SLAIN1: variants seen among roughly 807,000 people sequenced by gnomAD.
SLAIN1 encodes the protein SLAIN family member 1.
SLAIN1 carries 17 observed loss-of-function variants against 55.4 expected under a neutral mutation model. The observed-to-expected ratio is 0.31, with a 90% CI of 0.21 to 0.46. The LOEUF (loss-of-function observed/expected upper bound fraction) is 0.46, where lower values mean the gene tolerates loss of function less well. SLAIN1 is among the 20% of genes least tolerant of loss of function. The probability of loss-of-function intolerance (pLI) is 1.00; values close to 1 mark genes in which losing one functional copy is unlikely to be tolerated. For missense variants in SLAIN1, 682 were observed against 785.1 expected, an observed-to-expected ratio of 0.87 and a Z score of 1.57; for synonymous variants, 348 against 337.4, an observed-to-expected ratio of 1.03 and a Z score of -0.35.
intron 2 of SLAIN1, among the ~76,000 whole-genome samples, chr13:77,734,364 G>T (rs1316495371): frequency 6.6e-6 from 1 of 152,114 alleles, no homozygotes; most frequent in Admixed American, 6.5e-5. Context: ...GTTTGGCTTG[G>T]AACTGAGGCT....
chr13:77,736,797 T>A (rs1038687517), intron 2 of SLAIN1, among the ~76,000 whole-genome samples: 3 of 151,952 alleles, frequency 2.0e-5, no homozygotes. Context: ...TTAGTCTTTT[T>A]TTTTTTTTGG....
rs142064707 is a variant in SLAIN1 at position 77,717,416 on chromosome 13, G to C, written c.627-2116G>C. 2.0e-3 allele frequency among the ~76,000 whole-genome samples: 310 copies of C among 152,260 alleles called. 1 individual carries two copies. Among genetic ancestry groups the C allele is most frequent in the African/African-American group, 7.2e-3 (301 of 41,556 alleles). ...ATGTTTTCTTTAAATACTTGGTAGA[G>C]TTTAGCAGTAAAGTCTTCTGGGCCC... is the stretch of plus-strand genomic sequence containing the variant. On this transcript the variant is annotated intron_variant, in intron 1 of 6. Transcript: ENST00000418532.
At chr13:77,758,636 C>T (rs1244342525) in intron 5 of SLAIN1, among the ~76,000 whole-genome samples, 1 of 152,130 alleles carries the variant, frequency 6.6e-6, no homozygotes, top group African/African-American at 2.4e-5. Flanking sequence ...TTTCATTCTT[C>T]TACATGTGGC....
chr13:77,704,289 G>T lies in SLAIN1; in HGVS notation c.626+5750G>T, dbSNP rs114233475. On this transcript the variant is annotated intron_variant, in intron 1 of 6. Transcript: ENST00000418532. ...TATATATATAGAAAATATATACATAGGTTTTATATGTATATATACATAGAA... is the reference window on the plus strand; with the variant it reads ...TATATATATAGAAAATATATACATATGTTTTATATGTATATATACATAGAA... Among the ~76,000 whole-genome samples, 66 of 26,738 alleles carry T rather than the reference G, an allele frequency of 2.5e-3. 1 individual carries two copies. The highest frequency in any genetic ancestry group is 3.4e-3 in the Non-Finnish European group (51 of 14,886). The allele number at this position is 26,738 out of a possible 152,430, so 17.5% of individuals were successfully genotyped here.
chr13:77,743,532 G>A (rs769983139), intron 2 of SLAIN1: 25 of 154,708 alleles, frequency 1.6e-4, no homozygotes, highest in South Asian at 5.9e-4. Context: ...TTTAAATTTA[G>A]CTAAGGCTGT....
chr13:77,763,094 C>T (rs754157941), intron 6 of SLAIN1, 51 bp from the exon 7 acceptor site: 8 of 1,476,738 alleles, frequency 5.4e-6, no homozygotes, highest in Non-Finnish European at 7.6e-6. Context: ...AGTGATGTGA[C>T]TCATAGGATT....
At chr13:77,732,977 G>A (rs1219173349) in intron 2 of SLAIN1, among the ~76,000 whole-genome samples, 1 of 152,130 alleles carries the variant, frequency 6.6e-6, no homozygotes, top group Non-Finnish European at 1.5e-5. Context: ...CGTGCAGTGG[G>A]TTAAGATCTG....
In SLAIN1 at chr13:77,698,948, CG is replaced by C; in HGVS notation, c.626+410del. 6.5e-7 allele frequency: 1 copy of C among 1,534,088 alleles called. No individual in the cohort carries two copies. Among genetic ancestry groups the C allele is most frequent in the South Asian group, 1.2e-5 (1 of 83,972 alleles). On this transcript the variant is annotated intron_variant, in intron 1 of 6. Transcript: ENST00000418532. This position sits in a 1 kb window ranked among gnomAD's most constrained non-coding sequence, Gnocchi z 4.1. Reference sequence around the variant, plus strand: ...GATGGTAGGGGTTGGCCTCTGTCTGCGACTGTTACTGTTCTTTCGTTTTAAA... The same window carrying C: ...GATGGTAGGGGTTGGCCTCTGTCTGCACTGTTACTGTTCTTTCGTTTTAAA...
intron 2 of SLAIN1, among the ~76,000 whole-genome samples, chr13:77,733,036 A>ATTAAGATTATG (rs1468641748): frequency 1.3e-5 from 2 of 152,172 alleles, no homozygotes; most frequent in African/African-American, 4.8e-5. Context: ...TGCCTTATCC[A>ATTAAGATTATG]TTAAGATTAT....
intron 3 of SLAIN1, among the ~76,000 whole-genome samples, chr13:77,744,745 C>T (rs1210897251): frequency 6.6e-6 from 1 of 152,042 alleles, no homozygotes; most frequent in Admixed American, 6.6e-5. Context: ...GGATATTTAT[C>T]CCAGAATAGT....
rs181547565 is a variant in SLAIN1 at position 77,730,300 on chromosome 13, C to T, written c.766+10629C>T. On this transcript the variant is annotated intron_variant, in intron 2 of 6. Transcript: ENST00000418532. Reference sequence around the variant, plus strand: ...AGCTACAGGATATTACCTGAATTGTCTTAGAAGGCAGAGCCTTTTTTGGAA... The same window carrying T: ...AGCTACAGGATATTACCTGAATTGTTTTAGAAGGCAGAGCCTTTTTTGGAA... Among the ~76,000 whole-genome samples, 18 of 152,214 alleles carry T rather than the reference C, an allele frequency of 1.2e-4. No individual in the cohort carries two copies. The East Asian group carries it at 3.5e-3, about 29-fold the overall frequency.
Position 77,699,011 on chromosome 13 carries a change from G to A in SLAIN1, c.626+472G>A, listed in dbSNP as rs1377859922. 1.1e-5 allele frequency: 17 copies of A among 1,535,168 alleles called. 1 individual carries two copies. The South Asian group carries it at 2.0e-4, about 18-fold the overall frequency. On this transcript the variant is annotated intron_variant, in intron 1 of 6. Coordinates refer to ENST00000418532, the MANE Select transcript of SLAIN1 (RefSeq NM_001242868.2). ...CAGGATTTGCGTGCTCTTCCTCCTC[G>A]GGTGGCATCGGAAGCCGCGCAGTGA... is the stretch of plus-strand genomic sequence containing the variant.
intron 1 of SLAIN1, among the ~76,000 whole-genome samples, chr13:77,717,326 C>G (rs2091217398): frequency 6.6e-6 from 1 of 152,076 alleles, no homozygotes; most frequent in African/African-American, 2.4e-5. Flanking sequence ...TAACACTGCC[C>G]TAATAGGATG....
chr13:77,713,687 T>C (rs1186417171), intron 1 of SLAIN1, among the ~76,000 whole-genome samples: 2 of 152,116 alleles, frequency 1.3e-5, no homozygotes, highest in East Asian at 3.9e-4. Flanking sequence ...ACCCAAAGGA[T>C]TATAAATCAT....
At chr13:77,723,700 T>C (rs1021868068) in intron 2 of SLAIN1, among the ~76,000 whole-genome samples, 4 of 152,196 alleles carry the variant, frequency 2.6e-5, no homozygotes, top group African/African-American at 9.7e-5. Context: ...GAATATTGTC[T>C]TTTATTCTTG....
rs928965350 is a variant in SLAIN1 at position 77,698,930 on chromosome 13, G to A, written c.626+391G>A. The stretch of plus-strand genomic sequence containing the variant: ...TTCGGAGGGATGACGGGGGATGGTA[G>A]GGGTTGGCCTCTGTCTGCGACTGTT... On this transcript the variant is annotated intron_variant, in intron 1 of 6. Coordinates refer to ENST00000418532, the MANE Select transcript of SLAIN1 (RefSeq NM_001242868.2). The surrounding 1 kb of genome is among the most constrained non-coding windows in gnomAD (Gnocchi z 4.1). 5 of 1,533,712 alleles carry A rather than the reference G, an allele frequency of 3.3e-6. No homozygotes were observed. Among genetic ancestry groups the A allele is most frequent in the Admixed American group, 2.0e-5 (1 of 50,966 alleles).
chr13:77,763,155 C>G lies in SLAIN1; in HGVS notation c.1708C>G (p.Pro570Ala), dbSNP rs1875188478. Residue 570 changes from proline (P) to alanine (A), a missense_variant, in exon 7 of 7, where the codon CCT (proline) becomes GCT (alanine). Around this residue, in one of 3 missense-constraint regions of SLAIN1, gnomAD observed 244 missense variants for 295.2 expected, o/e 0.83. Coordinates refer to ENST00000418532, the MANE Select transcript of SLAIN1 (RefSeq NM_001242868.2). ...IAQPVRSFLQ[P>A]PKPLSSLSTL... is the part of the protein sequence containing the mutation. ...CTTGTCTCTTTTTAGTTTTCTTCAG[C>G]CTCCAAAGCCTCTGTCTTCACTCAG... 1.9e-6 allele frequency: 3 copies of G among 1,613,668 alleles called. No individual in the cohort carries two copies. The highest frequency in any genetic ancestry group is 2.5e-6 in the Non-Finnish European group (3 of 1,179,702).
Position 77,698,419 on chromosome 13 carries a change from C to A in SLAIN1, c.506C>A (p.Ala169Glu). The change falls in exon 1 of 7, where the codon GCG becomes GAG. Residue 169 changes from alanine (A) to glutamate (E), a missense_variant. Physicochemically the swap from Ala to Glu is moderately radical, Grantham distance 107. Around this residue, in one of 3 missense-constraint regions of SLAIN1, gnomAD observed 401 missense variants for 417.3 expected, o/e 0.96. Transcript: ENST00000418532. The surrounding 1 kb of genome is among the most constrained non-coding windows in gnomAD (Gnocchi z 4.1). Reference sequence around the variant, plus strand: ...GGTGGCGGGCCGGAGCCGGGGGGCGCGGGGACGCCGCCAGGGGCAGCTGCA... The same window carrying A: ...GGTGGCGGGCCGGAGCCGGGGGGCGAGGGGACGCCGCCAGGGGCAGCTGCA... ...AGGGGPEPGG[A>E]GTPPGAAAAP... 1 of 1,392,912 alleles carries A rather than the reference C, an allele frequency of 7.2e-7. No individual in the cohort carries two copies. Among genetic ancestry groups the A allele is most frequent in the Non-Finnish European group, 9.3e-7 (1 of 1,078,728 alleles). The allele number at this position is 1,392,912 out of a possible 1,614,324, so 86.3% of individuals were successfully genotyped here.
chr13:77,750,550 T>A (rs945968067), intron 4 of SLAIN1, among the ~76,000 whole-genome samples: 2 of 152,134 alleles, frequency 1.3e-5, no homozygotes, highest in African/African-American at 4.8e-5. Flanking sequence ...CTACACACTG[T>A]CTGCCAAATC....
Sources: gnomAD v4.1 joint callset for allele counts (sites outside exome capture counted in the v4.1 genomes callset) on GRCh38, gnomAD v4.1.1 for gene constraint, gnomAD v4.1.1 regional missense constraint, Gnocchi (gnomAD v3.1) non-coding constraint, MANE v1.5 for transcripts, NCBI Gene and HGNC (gene_info 2026-07-23, HGNC 2026-07-21) for gene names.